PAPSS2: variants seen among roughly 807,000 people sequenced by gnomAD.
The protein encoded by PAPSS2 is 3'-phosphoadenosine 5'-phosphosulfate synthase 2.
In PAPSS2, 61 loss-of-function variants were observed where a neutral mutation model predicts 66.5. The observed-to-expected ratio is 0.92, with a 90% CI of 0.75 to 1.14. The LOEUF (loss-of-function observed/expected upper bound fraction) is 1.14. Among genes scored for constraint, PAPSS2 ranks in the 50% most tolerant of loss-of-function variants. PAPSS2 has a pLI of 0.00. For synonymous variants in PAPSS2, 289 were observed against 287.5 expected (o/e 1.01, Z -0.05); for missense variants, 708 against 789.6 (o/e 0.90, Z 1.24).
chr10:87,700,034 T>C (rs1853283423), intron 1 of PAPSS2, among the ~76,000 whole-genome samples: 1 of 152,140 alleles, frequency 6.6e-6, no homozygotes, highest in African/African-American at 2.4e-5. Context: ...TATAGCCTTA[T>C]ACATATAAAT....
chr10:87,702,814 C>A (rs1029135297), intron 1 of PAPSS2, among the ~76,000 whole-genome samples: 1 of 152,144 alleles, frequency 6.6e-6, no homozygotes, highest in Non-Finnish European at 1.5e-5. Flanking sequence ...CCCCAAGACT[C>A]CTCCTCCCTT....
At chr10:87,673,103 G>T (rs1852899964) in intron 1 of PAPSS2, among the ~76,000 whole-genome samples, 1 of 152,198 alleles carries the variant, frequency 6.6e-6, no homozygotes. Flanking sequence ...AGATGCTTAG[G>T]CCCATGGCCT....
chr10:87,713,312 T>TTA lies in PAPSS2; in HGVS notation c.381+2_381+3insTA. The TTA allele has an allele frequency of 1.7e-6, 1 of 573,440 alleles. No homozygotes were observed. Among genetic ancestry groups the TTA allele is most frequent in the Non-Finnish European group, 2.6e-6 (1 of 382,484 alleles). 35.5% of individuals were successfully genotyped at this position (573,440 alleles called of 1,614,324 possible). The stretch of plus-strand genomic sequence containing the variant: ...AGCTTTATTTCTCCATTCGCAAAGG[T>TTA]AAAAAAAAAAAAAAAAAAAAAAGGC... On this transcript the variant is annotated splice_region_variant and intron_variant, in intron 3 of 12. Coordinates refer to ENST00000456849, the MANE Select transcript of PAPSS2 (RefSeq NM_001015880.2).
rs1235246148 is a variant in PAPSS2 at position 87,715,049 on chromosome 10, A to G, written c.704A>G (p.Asp235Gly). The G allele has an allele frequency of 6.2e-7, 1 of 1,613,564 alleles. No homozygotes were observed. The highest frequency in any genetic ancestry group is 2.2e-5 in the East Asian group (1 of 44,872). The change falls in exon 6 of 13, where the codon GAC (aspartate) becomes GGC (glycine). Residue 235 changes from aspartate (D) to glycine (G), a missense_variant. By Grantham distance (94) the Asp-to-Gly change is moderately conservative (BLOSUM62 -1). Coordinates refer to ENST00000456849, the MANE Select transcript of PAPSS2 (RefSeq NM_001015880.2). ...CTCTTTGTGCCGGAAAACAAACTTGACCACGTCCGAGCTGAGGCTGAAACT... is the reference window on the plus strand; with the variant it reads ...CTCTTTGTGCCGGAAAACAAACTTGGCCACGTCCGAGCTGAGGCTGAAACT... ...HELFVPENKL[D>G]HVRAEAETLP... is the part of the protein sequence containing the mutation.
chr10:87,676,308 T>G (rs187872480), intron 1 of PAPSS2, among the ~76,000 whole-genome samples: 1 of 152,318 alleles, frequency 6.6e-6, no homozygotes, highest in African/African-American at 2.4e-5. Flanking sequence ...ATCTCACTGT[T>G]GAACTTTGTA....
intron 1 of PAPSS2, among the ~76,000 whole-genome samples, chr10:87,690,633 G>T (rs1055040733): frequency 6.6e-6 from 1 of 152,170 alleles, no homozygotes; most frequent in Non-Finnish European, 1.5e-5. Flanking sequence ...AATTTCAGGG[G>T]TTAGATTGAT....
At chr10:87,705,185 T>TA (rs1201069150) in intron 1 of PAPSS2, among the ~76,000 whole-genome samples, 31 of 152,204 alleles carry the variant, frequency 2.0e-4, no homozygotes, top group Non-Finnish European at 4.1e-4. Context: ...TAATGTGTAG[T>TA]TTTTTTGGAT....
intron 9 of PAPSS2, among the ~76,000 whole-genome samples, chr10:87,736,222 GA>G (rs947639396): frequency 6.9e-6 from 1 of 144,268 alleles, no homozygotes; most frequent in South Asian, 2.2e-4. Context: ...TAAACTTATA[GA>G]AAAAAAACAA....
intron 1 of PAPSS2, among the ~76,000 whole-genome samples, chr10:87,689,204 G>T (rs1256966656): frequency 6.7e-6 from 1 of 148,620 alleles, no homozygotes; most frequent in African/African-American, 2.5e-5. Flanking sequence ...GCCGGGCATG[G>T]TGGCACATGC....
chr10:87,664,052 G>A (rs1852786420), intron 1 of PAPSS2, among the ~76,000 whole-genome samples: 3 of 152,074 alleles, frequency 2.0e-5, no homozygotes, highest in South Asian at 2.1e-4. Flanking sequence ...TACTACAGGT[G>A]CACACCATCA....
At chr10:87,684,368 A>G (rs186057696) in intron 1 of PAPSS2, among the ~76,000 whole-genome samples, 5 of 152,348 alleles carry the variant, frequency 3.3e-5, no homozygotes, top group African/African-American at 9.6e-5. Context: ...CACAGTTGCA[A>G]AGGTAAGCTA....
At chr10:87,724,031 G>C (rs564057608) in intron 8 of PAPSS2, among the ~76,000 whole-genome samples, 2 of 152,026 alleles carry the variant, frequency 1.3e-5, no homozygotes, top group Admixed American at 1.3e-4. Context: ...TGTGTTATAC[G>C]CTTAACCATG....
At chr10:87,671,583 G>A (rs17774221) in intron 1 of PAPSS2, among the ~76,000 whole-genome samples, 3,182 of 152,318 alleles carry the variant, frequency 0.021, 44 homozygotes, top group Non-Finnish European at 0.035. Flanking sequence ...TGTCCATTAT[G>A]TGAGTGCTGC....
At chr10:87,676,687 A>C (rs1346922281) in intron 1 of PAPSS2, among the ~76,000 whole-genome samples, 1 of 152,058 alleles carries the variant, frequency 6.6e-6, no homozygotes, top group Non-Finnish European at 1.5e-5. Context: ...CTTTACAGAG[A>C]TTATTCATCT....
chr10:87,713,516 A>C (rs1853493252), intron 3 of PAPSS2, among the ~76,000 whole-genome samples: 1 of 152,060 alleles, frequency 6.6e-6, no homozygotes, highest in African/African-American at 2.4e-5. Flanking sequence ...TCCTTTCCAG[A>C]TGCCAGGGCA....
chr10:87,744,986 T>C lies in PAPSS2; in HGVS notation c.1492-16T>C, dbSNP rs769231681. 2 of 1,604,714 alleles carry C rather than the reference T, an allele frequency of 1.2e-6. No individual in the cohort carries two copies. The highest frequency in any genetic ancestry group is 1.1e-5 in the South Asian group (1 of 90,818). On this transcript the variant is annotated splice_polypyrimidine_tract_variant and intron_variant, in intron 11 of 12. Coordinates refer to ENST00000456849, the MANE Select transcript of PAPSS2 (RefSeq NM_001015880.2). ...GACCCACAATGACCAGCATGTCCCT[T>C]ATGGACATTTTCTAGGTCCAGTGGC...
At chr10:87,699,629 A>G (rs942705448) in intron 1 of PAPSS2, among the ~76,000 whole-genome samples, 3 of 152,276 alleles carry the variant, frequency 2.0e-5, no homozygotes, top group Middle Eastern at 3.4e-3. Context: ...AGGCGGGCCA[A>G]TCACGAGGTC....
chr10:87,693,484 G>A (rs1406211330), intron 1 of PAPSS2, among the ~76,000 whole-genome samples: 1 of 152,204 alleles, frequency 6.6e-6, no homozygotes, highest in Non-Finnish European at 1.5e-5. Context: ...GACTCTTTCA[G>A]TTCATAATAA....
chr10:87,745,983 A>G lies in PAPSS2; in HGVS notation c.*13A>G. The G allele has an allele frequency of 6.2e-7, 1 of 1,613,610 alleles. No individual in the cohort carries two copies. Among genetic ancestry groups the G allele is most frequent in the Non-Finnish European group, 8.5e-7 (1 of 1,179,528 alleles). The stretch of plus-strand genomic sequence containing the variant: ...GGAGAAGAACTAAGCCTTTGGCTCC[A>G]GAGTTTCTTTCTGAAGTGCTCTTTG... On this transcript the variant is annotated 3_prime_UTR_variant, in exon 13 of 13. Transcript: ENST00000456849.
Sources: gnomAD v4.1 joint callset for allele counts (sites outside exome capture counted in the v4.1 genomes callset) on GRCh38, gnomAD v4.1.1 for gene constraint, MANE v1.5 for transcripts, NCBI Gene and HGNC (gene_info 2026-07-23, HGNC 2026-07-21) for gene names.